Variants in CCDC40 observed in about 807,000 individuals in gnomAD.
CCDC40 encodes coiled-coil domain-containing protein 40.
Under a neutral mutation model 124.5 loss-of-function variants are expected in CCDC40, and 104 were observed. The ratio of observed to expected loss-of-function variants is 0.84; its 90% CI spans 0.71 to 0.98. CCDC40 has a LOEUF of 0.98. CCDC40 is among the 50% of genes least tolerant of loss of function. The pLI is 0.00. For missense variants in CCDC40, 1,463 were observed against 1,503.9 expected (o/e 0.97, Z 0.45); for synonymous variants, 580 against 602.9 (o/e 0.96, Z 0.56).
chr17:80,069,263 G>C lies in CCDC40; in HGVS notation c.1562+3657G>C, dbSNP rs369104275. 7.5e-4 allele frequency among the ~76,000 whole-genome samples: 114 copies of C among 152,268 alleles called. 1 individual carries two copies. In the Middle Eastern group the frequency reaches 0.01, roughly 14 times the overall value. The stretch of plus-strand genomic sequence containing the variant: ...TGGTCAGGGGGTTGCTGCTGCGTGG[G>C]GGGGGCGGTAACCATAATCTTGCCC... On this transcript the variant is annotated intron_variant, in intron 10 of 19. Transcript: ENST00000397545.
At chr17:80,069,266 G>T (rs181886608) in intron 10 of CCDC40, among the ~76,000 whole-genome samples, 1 of 152,112 alleles carries the variant, frequency 6.6e-6, no homozygotes, top group Non-Finnish European at 1.5e-5. Context: ...TGCGTGGGGG[G>T]GGCGGTAACC....
intron 3 of CCDC40, among the ~76,000 whole-genome samples, chr17:80,041,751 G>A (rs774478236): frequency 5.9e-5 from 9 of 152,056 alleles, no homozygotes; most frequent in Admixed American, 2.0e-4. Context: ...GATTTGCCCC[G>A]TGTTTCCTCA....
intron 3 of CCDC40, among the ~76,000 whole-genome samples, chr17:80,045,519 C>A (rs983983044): frequency 1.3e-5 from 2 of 152,100 alleles, no homozygotes; most frequent in Non-Finnish European, 2.9e-5. Context: ...GCCTGGGTAA[C>A]ATGGCAAAAC....
intron 7 of CCDC40, among the ~76,000 whole-genome samples, chr17:80,055,956 C>T (rs1413167320): frequency 1.5e-5 from 2 of 133,088 alleles, no homozygotes; most frequent in Non-Finnish European, 3.1e-5. Context: ...GGACTACACA[C>T]ACACCACCAG....
intron 12 of CCDC40, among the ~76,000 whole-genome samples, chr17:80,082,807 G>A (rs906230767): frequency 2.0e-5 from 3 of 152,256 alleles, no homozygotes; most frequent in Admixed American, 2.0e-4. Context: ...CAGCCCGATA[G>A]GTCATACGTG....
At chr17:80,094,748 C>T (rs56097348) in intron 17 of CCDC40, among the ~76,000 whole-genome samples, 4,494 of 152,212 alleles carry the variant, frequency 0.03, 92 homozygotes, top group Non-Finnish European at 0.046. Flanking sequence ...CACACATCTA[C>T]GTAGCCACTG....
intron 16 of CCDC40, among the ~76,000 whole-genome samples, chr17:80,088,602 T>G (rs1331374211): frequency 1.3e-5 from 2 of 151,452 alleles, no homozygotes; most frequent in Non-Finnish European, 2.9e-5. Context: ...GGGCCAGGAG[T>G]TCAAGACAAG....
chr17:80,081,765 G>A lies in CCDC40; in HGVS notation c.1782G>A (p.Glu594=), dbSNP rs765420679. 6.2e-7 allele frequency: 1 copy of A among 1,614,048 alleles called. No individual in the cohort carries two copies. The highest frequency in any genetic ancestry group is 8.5e-7 in the Non-Finnish European group (1 of 1,180,032). ...NTYRLTLQDT[E]DALSQDQLEQ... The stretch of plus-strand genomic sequence containing the variant: ...ACAGGCTCACCCTGCAGGACACAGA[G>A]GATGCCCTCAGCCAGGACCAGCTGG... Residue 594 remains glutamate, a synonymous_variant, in exon 11 of 20, where the codon GAG becomes GAA. Transcript: ENST00000397545.
In CCDC40 at chr17:80,095,439, G is replaced by T; in HGVS notation, c.3009G>T (p.Arg1003Ser). ...HKQLELRRKI[R>S]DVRKATDECT... is the part of the protein sequence containing the mutation. ...AGCTTGAGCTGCGCCGGAAAATCAG[G>T]GACGTTCGCAAGGTAGGGAGCAGCG... Residue 1003 changes from arginine to serine, a missense_variant, in exon 18 of 20, where the codon AGG becomes AGT. By Grantham distance (110) the Arg-to-Ser change is moderately radical. Coordinates refer to ENST00000397545, the MANE Select transcript of CCDC40 (RefSeq NM_017950.4). The T allele has an allele frequency of 6.2e-7, 1 of 1,614,162 alleles. No homozygotes were observed. The highest frequency in any genetic ancestry group is 8.5e-7 in the Non-Finnish European group (1 of 1,180,040).
intron 2 of CCDC40, 36 bp downstream of exon 2, chr17:80,038,222 A>G (rs767152642): frequency 5.2e-6 from 7 of 1,358,944 alleles, no homozygotes; most frequent in East Asian, 2.3e-5. Flanking sequence ...CCGGGCTTAT[A>G]TTTACTAGGA....
chr17:80,089,947 TGGCCACACCAA>T, intron 17 of CCDC40, 63 bp downstream of exon 17: 1 of 1,600,774 alleles, frequency 6.2e-7, no homozygotes, highest in Non-Finnish European at 8.5e-7. Flanking sequence ...TCTGGAGACC[TGGCCACACCAA>T]GGCCTCGGCT....
In CCDC40 at chr17:80,058,746, G is replaced by T; in HGVS notation, c.1317+95G>T. The T allele has an allele frequency of 6.2e-7, 1 of 1,604,832 alleles. No individual in the cohort carries two copies. The highest frequency in any genetic ancestry group is 8.5e-7 in the Non-Finnish European group (1 of 1,172,054). ...GCCTCCTGCGTGAAGGCTTCCGGCC[G>T]GAGGGGTGGCGGCCGGCCTGGGTGG... On this transcript the variant is annotated intron_variant, in intron 8 of 19. Transcript: ENST00000397545. This position sits in a 1 kb window ranked among gnomAD's most constrained non-coding sequence, Gnocchi z 4.2.
intron 9 of CCDC40, 68 bp from the exon 10 acceptor site, chr17:80,065,417 G>A: frequency 6.2e-7 from 1 of 1,603,594 alleles, no homozygotes; most frequent in Non-Finnish European, 8.5e-7. Flanking sequence ...TGAGGCTCTG[G>A]TGTTCTTGGG....
intron 10 of CCDC40, among the ~76,000 whole-genome samples, chr17:80,069,259 G>A (rs2038128430): frequency 6.8e-6 from 1 of 147,696 alleles, no homozygotes; most frequent in Non-Finnish European, 1.5e-5. Context: ...TTGCTGCTGC[G>A]TGGGGGGGGC....
In CCDC40 at chr17:80,098,843, T is replaced by TG. The variant is rs148335705; in HGVS notation, c.3181-679dup. 2,678 of 149,038 alleles carry TG rather than the reference T, an allele frequency of 0.018. 171 individuals carry two copies. In the East Asian group the frequency reaches 0.19, roughly 11 times the overall value. 9.2% of individuals were successfully genotyped at this position (149,038 alleles called of 1,614,324 possible). On this transcript the variant is annotated intron_variant, in intron 19 of 19. Coordinates refer to ENST00000397545, the MANE Select transcript of CCDC40 (RefSeq NM_017950.4). Reference sequence around the variant, plus strand: ...AATCTCAGCTACCCGGGCGTGGTGGTGGGGGTGGGTGCCTGTAATTCCAGC... The same window carrying TG: ...AATCTCAGCTACCCGGGCGTGGTGGTGGGGGGTGGGTGCCTGTAATTCCAGC...
rs11150840 is a variant in CCDC40, at chr17:80,087,554, G to A, written c.2450-53G>A. 1,039,942 of 1,510,460 alleles carry A rather than the reference G, an allele frequency of 0.69. 360,209 individuals carry two copies. The highest frequency in any genetic ancestry group is 0.75 in the South Asian group (66,570 of 88,424). The allele number at this position is 1,510,460 out of a possible 1,614,324, so 93.6% of individuals were successfully genotyped here. On this transcript the variant is annotated intron_variant, in intron 14 of 19. Coordinates refer to ENST00000397545, the MANE Select transcript of CCDC40 (RefSeq NM_017950.4). This position sits in a 1 kb window ranked among gnomAD's most constrained non-coding sequence, Gnocchi z 4.5. ...CTCTCGGACACTGCTGCCTGCGGGC[G>A]AGGACCCGTACCCTCCTGGGGTCTC...
intron 9 of CCDC40, among the ~76,000 whole-genome samples, chr17:80,062,484 G>T (rs2143664320): frequency 7.5e-6 from 1 of 133,040 alleles, no homozygotes; most frequent in African/African-American, 3.0e-5. Context: ...GCCCCGTTGT[G>T]TGACGTTCCC....
At chr17:80,067,866 A>G in intron 10 of CCDC40, 1 of 1,393,994 alleles carries the variant, frequency 7.2e-7, no homozygotes, top group Non-Finnish European at 9.3e-7. Flanking sequence ...GATGAAGAAA[A>G]TAGATAATCT....
chr17:80,059,108 G>A, intron 9 of CCDC40, 128 bp downstream of exon 9: 1 of 1,206,486 alleles, frequency 8.3e-7, no homozygotes, highest in Non-Finnish European at 1.2e-6. Context: ...GCTTACATCT[G>A]CAAACATCGG....
Sources: allele counts gnomAD v4.1 joint callset (sites outside exome capture counted in the v4.1 genomes callset), GRCh38; gene constraint gnomAD v4.1.1; non-coding constraint Gnocchi (gnomAD v3.1); transcripts MANE v1.5; gene names NCBI Gene and HGNC (gene_info 2026-07-23, HGNC 2026-07-21).